Variants in SOX5 observed in about 807,000 individuals in gnomAD.
SOX5 encodes the protein SRY-box transcription factor 5.
Under a neutral mutation model 92.0 loss-of-function variants are expected in SOX5, and 9 were observed. The ratio of observed to expected loss-of-function variants is 0.10; its 90% CI spans 0.06 to 0.17. The LOEUF is 0.17. Ranked by LOEUF, SOX5 falls within the 10% of genes least tolerant of loss-of-function variation. The probability of loss-of-function intolerance (pLI) is 1.00; values close to 1 mark genes in which losing one functional copy is unlikely to be tolerated. For missense variants in SOX5, 642 were observed against 944.5 expected, an observed-to-expected ratio of 0.68 and a Z score of 4.20; for synonymous variants, 344 against 336.3, an observed-to-expected ratio of 1.02 and a Z score of -0.25.
At chr12:24,374,869 G>A (rs1957094378) in intron 1 of SOX5, among the ~76,000 whole-genome samples, 1 of 152,210 alleles carries the variant, frequency 6.6e-6, no homozygotes, top group African/African-American at 2.4e-5. Context: ...GCACTAGAGT[G>A]AGATTTGTGT....
chr12:23,641,904 A>G (rs1449422594), intron 7 of SOX5, among the ~76,000 whole-genome samples: 2 of 152,230 alleles, frequency 1.3e-5, no homozygotes, highest in East Asian at 3.8e-4. Flanking sequence ...CTCAGTTAAT[A>G]CGCCATTCAA....
chr12:24,173,835 A>T (rs1171514046), intron 4 of SOX5, among the ~76,000 whole-genome samples: 1 of 152,122 alleles, frequency 6.6e-6, no homozygotes, highest in African/African-American at 2.4e-5. Flanking sequence ...GTTATCCCGG[A>T]TATTCATCCA....
At chr12:23,851,611 A>G (rs183326987) in intron 2 of SOX5, among the ~76,000 whole-genome samples, 109 of 152,278 alleles carry the variant, frequency 7.2e-4, no homozygotes, top group African/African-American at 2.6e-3. Flanking sequence ...AAGTCATCCA[A>G]TTTAAAGCCT....
chr12:24,290,959 C>T (rs1363432500), intron 2 of SOX5, among the ~76,000 whole-genome samples: 1 of 152,184 alleles, frequency 6.6e-6, no homozygotes, highest in East Asian at 1.9e-4. Context: ...CACATAGCTA[C>T]TTGTAAAAAC....
At chr12:23,717,110 C>A (rs1249581998) in intron 6 of SOX5, among the ~76,000 whole-genome samples, 1 of 152,162 alleles carries the variant, frequency 6.6e-6, no homozygotes, top group Non-Finnish European at 1.5e-5. Flanking sequence ...AAAGTTATAT[C>A]ATTGACTTTC....
rs12300886 is a variant in SOX5 at position 24,033,975 on chromosome 12, T to C, written c.-1-137951A>G. On this transcript the variant is annotated intron_variant, in intron 4 of 4. Coordinates refer to the SOX5 transcript ENST00000446891. ...TTTATAGGTCATAATAAGACCAGTC[T>C]ATAATCAAAGTCTGTAAGTCCAGTC... Among the ~76,000 whole-genome samples, 925 of 152,156 alleles carry C rather than the reference T, an allele frequency of 6.1e-3. 9 individuals are homozygous for C. The highest frequency in any genetic ancestry group is 0.02 in the African/African-American group (848 of 41,548).
intron 4 of SOX5, among the ~76,000 whole-genome samples, chr12:24,098,937 G>C (rs1340920840): frequency 6.6e-6 from 1 of 152,140 alleles, no homozygotes; most frequent in African/African-American, 2.4e-5. Context: ...TCAACGTAGT[G>C]TATGTCTAGC....
chr12:23,838,402 T>C (rs2096462837), intron 3 of SOX5, among the ~76,000 whole-genome samples: 1 of 151,818 alleles, frequency 6.6e-6, no homozygotes, highest in African/African-American at 2.4e-5. Context: ...CATAGCAAAT[T>C]CTCAATAAAA....
chr12:23,934,395 A>C (rs1044047043), intron 1 of SOX5, among the ~76,000 whole-genome samples: 3 of 149,984 alleles, frequency 2.0e-5, no homozygotes, highest in African/African-American at 7.3e-5. Context: ...TATTATACAT[A>C]TGTATATGTA....
chr12:23,725,641 G>A (rs981844933), intron 6 of SOX5, among the ~76,000 whole-genome samples: 6 of 152,170 alleles, frequency 3.9e-5, no homozygotes, highest in Non-Finnish European at 8.8e-5. Context: ...TTAGGCTGGA[G>A]AGACAAATTT....
At chr12:23,752,569 T>C (rs183680475) in intron 4 of SOX5, among the ~76,000 whole-genome samples, 236 of 151,952 alleles carry the variant, frequency 1.6e-3, no homozygotes, top group Non-Finnish European at 2.7e-3. Context: ...TTCGGTGTAA[T>C]GGAATTTCAT....
chr12:24,047,468 A>T (rs1957158544), intron 4 of SOX5, among the ~76,000 whole-genome samples: 2 of 152,222 alleles, frequency 1.3e-5, no homozygotes. Flanking sequence ...ATGATCTTTC[A>T]ACACTCATTC....
chr12:23,629,235 A>G (rs2078224342), intron 8 of SOX5, among the ~76,000 whole-genome samples: 1 of 152,068 alleles, frequency 6.6e-6, no homozygotes, highest in South Asian at 2.1e-4. Flanking sequence ...AATCCTAACC[A>G]TTGTTTTATT....
chr12:23,895,083 G>A (rs980432223), intron 2 of SOX5, among the ~76,000 whole-genome samples: 1 of 151,826 alleles, frequency 6.6e-6, no homozygotes, highest in African/African-American at 2.4e-5. Flanking sequence ...TGCAGCCAGA[G>A]ATGTTATGCT....
intron 8 of SOX5, among the ~76,000 whole-genome samples, chr12:23,633,895 A>G (rs1033664749): frequency 1.3e-5 from 2 of 152,138 alleles, no homozygotes; most frequent in African/African-American, 2.4e-5. Flanking sequence ...AAAGAATTAC[A>G]TAAACTGTAA....
At chr12:24,370,476 C>CAAAAAAAAAAAA (rs57192965) in intron 1 of SOX5, among the ~76,000 whole-genome samples, 1 of 79,710 alleles carries the variant, frequency 1.3e-5, no homozygotes, top group African/African-American at 5.0e-5. Context: ...GACTCCGTCT[C>CAAAAAAAAAAAA]AAAAAAAAAA....
At chr12:23,995,374 A>G (rs1336710872) in intron 4 of SOX5, among the ~76,000 whole-genome samples, 2 of 152,170 alleles carry the variant, frequency 1.3e-5, no homozygotes, top group Non-Finnish European at 2.9e-5. Flanking sequence ...GCAGCCATTA[A>G]TATCTCCTTT....
intron 4 of SOX5, among the ~76,000 whole-genome samples, chr12:24,181,235 T>C (rs955641161): frequency 2.0e-5 from 3 of 152,204 alleles, no homozygotes; most frequent in South Asian, 2.1e-4. Flanking sequence ...TGGCTCCCCA[T>C]TGGGGTCTGA....
chr12:24,076,366 T>C (rs1173416192), intron 4 of SOX5, among the ~76,000 whole-genome samples: 2 of 152,128 alleles, frequency 1.3e-5, no homozygotes, highest in Admixed American at 6.6e-5. Context: ...TACTCTCTAT[T>C]ATCTATCCAC....
Sources: allele counts gnomAD v4.1 joint callset (sites outside exome capture counted in the v4.1 genomes callset), GRCh38; gene constraint gnomAD v4.1.1; transcripts MANE v1.5; gene names NCBI Gene and HGNC (gene_info 2026-07-23, HGNC 2026-07-21).